Variants in ROBO2 observed in about 807,000 individuals in gnomAD.
ROBO2 encodes roundabout guidance receptor 2.
In ROBO2, 53 loss-of-function variants were observed where a neutral mutation model predicts 160.8. The observed-to-expected ratio is 0.33, with a 90% CI of 0.26 to 0.41. The LOEUF is 0.41. Among genes scored for constraint, ROBO2 ranks in the 10% least tolerant of loss-of-function variants. The pLI is 1.00. For synonymous variants in ROBO2, 664 were observed against 611.7 expected (o/e 1.09, Z -1.26); for missense variants, 1,577 against 1,722.4 (o/e 0.92, Z 1.49).
rs1013182555 is a variant in ROBO2 at position 76,444,169 on chromosome 3, G to A, written c.109+506567G>A. The stretch of plus-strand genomic sequence containing the variant: ...TAATTTTTGTATTTTTAGTAGAGAC[G>A]GGGTCTCATCATGTTGGTCAGGCTG... On this transcript the variant is annotated intron_variant, in intron 2 of 26. Coordinates refer to the ROBO2 transcript ENST00000487694. Among the ~76,000 whole-genome samples the A allele has an allele frequency of 3.9e-5, 6 of 152,068 alleles. No homozygotes were observed. The East Asian group carries it at 9.7e-4, about 25-fold the overall frequency.
chr3:75,969,141 A>C (rs191501560), intron 2 of ROBO2, among the ~76,000 whole-genome samples: 2 of 148,520 alleles, frequency 1.3e-5, no homozygotes, highest in African/African-American at 4.9e-5. Context: ...CTATATATAT[A>C]ATATTTATAT....
At chr3:76,499,758 A>G (rs766952673) in intron 2 of ROBO2, among the ~76,000 whole-genome samples, 24 of 152,186 alleles carry the variant, frequency 1.6e-4, no homozygotes, top group Non-Finnish European at 3.2e-4. Flanking sequence ...AACTATATCA[A>G]TGGAGAGAAA....
chr3:76,323,138 T>TACACACACACACACACACACACACACAC (rs71874425), intron 2 of ROBO2, among the ~76,000 whole-genome samples: 58 of 144,044 alleles, frequency 4.0e-4, no homozygotes, highest in Non-Finnish European at 7.0e-4. Context: ...TTGTTAGTAT[T>TACACACACACACACACACACACACACAC]ACACACACAC....
intron 2 of ROBO2, among the ~76,000 whole-genome samples, chr3:76,430,036 A>G (rs1481446857): frequency 1.3e-5 from 2 of 152,180 alleles, no homozygotes; most frequent in Non-Finnish European, 2.9e-5. Context: ...CACTGCACCA[A>G]TAGCACCTGA....
intron 15 of ROBO2, among the ~76,000 whole-genome samples, chr3:77,578,047 G>A (rs1399757499): frequency 6.6e-6 from 1 of 152,014 alleles, no homozygotes; most frequent in African/African-American, 2.4e-5. Flanking sequence ...TGGCAGCACC[G>A]ACTCTCACTC....
intron 2 of ROBO2, among the ~76,000 whole-genome samples, chr3:76,341,552 G>A (rs1313151640): frequency 6.7e-6 from 1 of 149,912 alleles, no homozygotes; most frequent in East Asian, 2.0e-4. Flanking sequence ...GCTGTGGACT[G>A]TTCAACTGGA....
intron 2 of ROBO2, among the ~76,000 whole-genome samples, chr3:76,463,675 AG>A (rs2078210854): frequency 6.6e-6 from 1 of 152,182 alleles, no homozygotes; most frequent in South Asian, 2.1e-4. Context: ...TGCCTAATCT[AG>A]GTCCTAGACA....
chr3:77,473,130 T>G (rs549831428), intron 2 of ROBO2, among the ~76,000 whole-genome samples: 1 of 152,136 alleles, frequency 6.6e-6, no homozygotes, highest in South Asian at 2.1e-4. Flanking sequence ...GGTGTCTGAT[T>G]CCCACAGGGT....
chr3:76,199,289 A>G (rs573625690), intron 2 of ROBO2, among the ~76,000 whole-genome samples: 13 of 152,270 alleles, frequency 8.5e-5, no homozygotes, highest in Admixed American at 7.9e-4. Flanking sequence ...AAACCCCAGG[A>G]ATGTCACAGC....
chr3:77,529,566 A>G (rs910042412), intron 6 of ROBO2, among the ~76,000 whole-genome samples: 3 of 151,840 alleles, frequency 2.0e-5, no homozygotes, highest in Non-Finnish European at 4.4e-5. Flanking sequence ...TTTCCAATAT[A>G]TTTAAAATCT....
At chr3:77,386,112 C>T (rs1201742758) in intron 2 of ROBO2, among the ~76,000 whole-genome samples, 2 of 152,088 alleles carry the variant, frequency 1.3e-5, no homozygotes, top group African/African-American at 2.4e-5. Context: ...GCGTACTGTG[C>T]TAAGTATTTT....
intron 2 of ROBO2, among the ~76,000 whole-genome samples, chr3:76,948,874 T>TTTTATATATATATGTATATATATATATA (rs1553703157): frequency 2.1e-5 from 1 of 48,616 alleles, no homozygotes; most frequent in African/African-American, 1.1e-4. Flanking sequence ...CCGGCTAATT[T>TTTTATATATATATGTATATATATATATA]TATATATATA....
At chr3:76,170,562 C>A (rs923145955) in intron 2 of ROBO2, among the ~76,000 whole-genome samples, 4 of 152,104 alleles carry the variant, frequency 2.6e-5, no homozygotes, top group Non-Finnish European at 5.9e-5. Flanking sequence ...AGGCAAAATG[C>A]GTAGCAGCAC....
At chr3:76,229,822 A>G (rs573652166) in intron 2 of ROBO2, among the ~76,000 whole-genome samples, 28 of 152,328 alleles carry the variant, frequency 1.8e-4, no homozygotes, top group African/African-American at 6.7e-4. Flanking sequence ...AACTAGAAAC[A>G]TCAACCAAAG....
At chr3:76,345,785 A>G (rs2074495126) in intron 2 of ROBO2, among the ~76,000 whole-genome samples, 1 of 152,052 alleles carries the variant, frequency 6.6e-6, no homozygotes, top group South Asian at 2.1e-4. Flanking sequence ...TGAATTGCTG[A>G]AAGTTTTATT....
chr3:76,089,461 T>C (rs977694066), intron 2 of ROBO2, among the ~76,000 whole-genome samples: 1 of 152,056 alleles, frequency 6.6e-6, no homozygotes, highest in African/African-American at 2.4e-5. Context: ...AAATTGAACA[T>C]GTATAAAAAG....
At chr3:76,133,909 A>C (rs1449371916) in intron 2 of ROBO2, among the ~76,000 whole-genome samples, 1 of 152,102 alleles carries the variant, frequency 6.6e-6, no homozygotes, top group Non-Finnish European at 1.5e-5. Flanking sequence ...AGACACACCC[A>C]GGAGCACTAC....
intron 2 of ROBO2, among the ~76,000 whole-genome samples, chr3:76,112,211 A>G (rs2070264319): frequency 6.6e-6 from 1 of 151,346 alleles, no homozygotes; most frequent in South Asian, 2.1e-4. Context: ...CTTTTTTTTC[A>G]TAGATTGGGC....
chr3:75,939,091 C>T (rs1272459342), intron 2 of ROBO2, among the ~76,000 whole-genome samples: 11 of 151,758 alleles, frequency 7.2e-5, no homozygotes, highest in Non-Finnish European at 2.9e-5. Context: ...TCCAGCATGA[C>T]GTGTAGTATG....
Sources: allele counts gnomAD v4.1 joint callset (sites outside exome capture counted in the v4.1 genomes callset), GRCh38; gene constraint gnomAD v4.1.1; transcripts MANE v1.5; gene names NCBI Gene and HGNC (gene_info 2026-07-23, HGNC 2026-07-21).